Variants in ABTB2 observed in about 807,000 individuals in gnomAD.
ABTB2 encodes ankyrin repeat and BTB/POZ domain-containing protein 2.
Under a neutral mutation model 104.1 loss-of-function variants are expected in ABTB2, and 56 were observed. The observed-to-expected ratio is 0.54, with a 90% CI of 0.43 to 0.67. The LOEUF (loss-of-function observed/expected upper bound fraction) is 0.67, where lower values mean the gene tolerates loss of function less well. ABTB2 is among the 30% of genes least tolerant of loss of function. The probability of loss-of-function intolerance (pLI) is 0.00; values close to 1 mark genes in which losing one functional copy is unlikely to be tolerated. For synonymous variants in ABTB2, 606 were observed against 608.2 expected, an observed-to-expected ratio of 1.00 and a Z score of 0.05; for missense variants, 1,279 against 1,407.7, an observed-to-expected ratio of 0.91 and a Z score of 1.46.
chr11:34,249,382 A>G (rs1312156554), intron 1 of ABTB2, among the ~76,000 whole-genome samples: 1 of 152,242 alleles, frequency 6.6e-6, no homozygotes, highest in Non-Finnish European at 1.5e-5. Flanking sequence ...TCACATAAAA[A>G]TATCCAGAGC....
At chr11:34,318,321 T>A (rs1433867439) in intron 1 of ABTB2, among the ~76,000 whole-genome samples, 1 of 152,160 alleles carries the variant, frequency 6.6e-6, no homozygotes, top group Non-Finnish European at 1.5e-5. Context: ...TGTCCATGCA[T>A]ACCCATTGTT....
intron 1 of ABTB2, among the ~76,000 whole-genome samples, chr11:34,299,947 T>C (rs1564927251): frequency 6.6e-6 from 1 of 152,124 alleles, no homozygotes; most frequent in Non-Finnish European, 1.5e-5. Flanking sequence ...TGCTGCCTCC[T>C]TCATAAAGGC....
chr11:34,157,837 C>A (rs1342365466), intron 14 of ABTB2, among the ~76,000 whole-genome samples: 1 of 152,200 alleles, frequency 6.6e-6, no homozygotes, highest in Non-Finnish European at 1.5e-5. Flanking sequence ...CTAACTGGTC[C>A]CCTGGAGGTG....
chr11:34,292,888 C>T (rs1199783674), intron 1 of ABTB2, among the ~76,000 whole-genome samples: 1 of 152,102 alleles, frequency 6.6e-6, no homozygotes, highest in Non-Finnish European at 1.5e-5. Context: ...AGGTAGGGGC[C>T]AAATCACAAA....
At chr11:34,325,507 TGAAA>T (rs1349456708) in intron 1 of ABTB2, among the ~76,000 whole-genome samples, 1 of 152,240 alleles carries the variant, frequency 6.6e-6, no homozygotes, top group African/African-American at 2.4e-5. Context: ...ATAGCATTAT[TGAAA>T]TAGCAATATA....
In ABTB2 at chr11:34,223,957, G is replaced by A. The variant is rs140640415; in HGVS notation, c.884-19267C>T. 1.9e-3 allele frequency among the ~76,000 whole-genome samples: 285 copies of A among 152,222 alleles called. 3 individuals carry two copies. The highest frequency in any genetic ancestry group is 6.7e-3 in the African/African-American group (280 of 41,534). On this transcript the variant is annotated intron_variant, in intron 1 of 16. Transcript: ENST00000435224. ...TAAATCCAGGAGCCCAGGACCTCAC[G>A]TACAACTTCAGGGTATGCTGTGTTT...
chr11:34,216,374 C>T (rs748655702), intron 1 of ABTB2, among the ~76,000 whole-genome samples: 27 of 152,158 alleles, frequency 1.8e-4, no homozygotes, highest in Non-Finnish European at 3.4e-4. Flanking sequence ...TTACTGTCTC[C>T]ATAGTTTTGC....
intron 1 of ABTB2, among the ~76,000 whole-genome samples, chr11:34,212,688 C>G (rs2133045561): frequency 6.6e-6 from 1 of 152,300 alleles, no homozygotes; most frequent in Non-Finnish European, 1.5e-5. Flanking sequence ...TCCTTCAGCA[C>G]TCACCACCCC....
intron 1 of ABTB2, among the ~76,000 whole-genome samples, chr11:34,344,844 C>T (rs1249364365): frequency 2.0e-5 from 3 of 152,132 alleles, no homozygotes; most frequent in African/African-American, 4.8e-5. Context: ...CAACTAAAAC[C>T]GCACTAGGAT....
intron 1 of ABTB2, among the ~76,000 whole-genome samples, chr11:34,303,791 T>G (rs915321454): frequency 6.6e-6 from 1 of 151,964 alleles, no homozygotes; most frequent in African/African-American, 2.4e-5. Flanking sequence ...TACAGATGTG[T>G]GCCTCCTCGC....
At chr11:34,207,245 G>C (rs1590216660) in intron 1 of ABTB2, among the ~76,000 whole-genome samples, 1 of 152,244 alleles carries the variant, frequency 6.6e-6, no homozygotes, top group Non-Finnish European at 1.5e-5. Context: ...GAGACATGTG[G>C]ATCAAATTTA....
chr11:34,153,653 G>T (rs1216420167), intron 16 of ABTB2, among the ~76,000 whole-genome samples: 1 of 152,168 alleles, frequency 6.6e-6, no homozygotes, highest in Non-Finnish European at 1.5e-5. Context: ...CATGGTTTTT[G>T]AACTTTTGAA....
intron 3 of ABTB2, among the ~76,000 whole-genome samples, chr11:34,176,305 G>C (rs1455169332): frequency 7.3e-6 from 1 of 136,376 alleles, no homozygotes; most frequent in Non-Finnish European, 1.6e-5. Flanking sequence ...AAAAAAAAGA[G>C]AAAGAAATAT....
At chr11:34,191,527 ACC>A (rs1297124014) in intron 3 of ABTB2, among the ~76,000 whole-genome samples, 2 of 152,098 alleles carry the variant, frequency 1.3e-5, no homozygotes, top group Non-Finnish European at 2.9e-5. Flanking sequence ...TAACATCAGC[ACC>A]CTGGTCTCGT....
chr11:34,173,476 C>T (rs1376846507), intron 3 of ABTB2, among the ~76,000 whole-genome samples, 169 bp from the exon 4 acceptor site: 2 of 152,046 alleles, frequency 1.3e-5, no homozygotes, highest in African/African-American at 4.8e-5. Flanking sequence ...AGAGAGTGCT[C>T]CCTGAAGGGC....
At chr11:34,286,538 C>T (rs1854508319) in intron 1 of ABTB2, among the ~76,000 whole-genome samples, 1 of 152,074 alleles carries the variant, frequency 6.6e-6, no homozygotes, top group Non-Finnish European at 1.5e-5. Context: ...AGTGATCCAC[C>T]TGCCTTGGCC....
chr11:34,312,140 C>CAAAAAAAA (rs67673538), intron 1 of ABTB2, among the ~76,000 whole-genome samples: 1 of 111,170 alleles, frequency 9.0e-6, no homozygotes. Flanking sequence ...GACTCCATCT[C>CAAAAAAAA]AAAAAAAAAA....
In ABTB2 at chr11:34,152,390, C is replaced by T. The variant is rs144583805; in HGVS notation, c.3075G>A (p.Val1025=). 32 of 1,562,560 alleles carry T rather than the reference C, an allele frequency of 2.0e-5. No individual in the cohort carries two copies. In the African/African-American group the frequency reaches 4.3e-4, roughly 21 times the overall value. Residue 1025 remains valine, a synonymous_variant, in exon 17 of 17, where the codon GTG becomes GTA. Transcript: ENST00000435224. ...TCGGCAGCCTCCGCCCCCTGCCTCA[C>T]ACCCGGGAGGTGATGTAGACAGAGT... is the stretch of plus-strand genomic sequence containing the variant. The part of the protein sequence containing the change: ...RVHSVYITSR[V]
intron 1 of ABTB2, among the ~76,000 whole-genome samples, chr11:34,221,976 C>G (rs1010832807): frequency 6.6e-6 from 1 of 152,018 alleles, no homozygotes; most frequent in African/African-American, 2.4e-5. Context: ...ACCTGGGAGG[C>G]GGAGGTTGCA....
Sources: allele counts gnomAD v4.1 joint callset (sites outside exome capture counted in the v4.1 genomes callset), GRCh38; gene constraint gnomAD v4.1.1; transcripts MANE v1.5; gene names NCBI Gene and HGNC (gene_info 2026-07-23, HGNC 2026-07-21).